STAG2: variants seen among roughly 807,000 people sequenced by gnomAD.
The protein encoded by STAG2 is cohesin subunit SA-2.
STAG2 carries 14 observed loss-of-function variants against 108.1 expected under a neutral mutation model. The observed-to-expected ratio is 0.13, with a 90% CI of 0.09 to 0.20. The LOEUF (loss-of-function observed/expected upper bound fraction) is 0.20, where lower values mean the gene tolerates loss of function less well. STAG2 is among the 10% of genes least tolerant of loss of function. STAG2 has a pLI of 1.00. For synonymous variants in STAG2, 307 were observed against 302.7 expected (o/e 1.01, Z -0.15); for missense variants, 440 against 940.9 (o/e 0.47, Z 6.96).
chrX:124,095,306 T>G (rs2059351209), intron 33 of STAG2, 66 bp from the exon 34 acceptor site: 1 of 893,113 alleles, frequency 1.1e-6, no homozygotes, highest in East Asian at 3.1e-5. Flanking sequence ...CTTGGATATT[T>G]TCAGTTACTA....
At chrX:124,052,704 T>A (rs2058078582) in intron 13 of STAG2, among the ~76,000 whole-genome samples, 1 of 111,736 alleles carries the variant, frequency 8.9e-6, no homozygotes, top group Non-Finnish European at 1.9e-5. Flanking sequence ...GTGGAATTGC[T>A]GGATCATATG....
intron 1 of STAG2, among the ~76,000 whole-genome samples, chrX:123,966,814 A>G (rs2054114633): frequency 1.8e-5 from 2 of 111,956 alleles, no homozygotes; most frequent in Admixed American, 9.5e-5. Context: ...TGTGCTTGCT[A>G]TAGATCTTTG....
At chrX:124,079,039 CT>C (rs1156231957) in intron 27 of STAG2, among the ~76,000 whole-genome samples, 1 of 111,051 alleles carries the variant, frequency 9.0e-6, no homozygotes, top group African/African-American at 3.3e-5. Flanking sequence ...GATAAAATTA[CT>C]GACTTAGTAT....
At chrX:124,048,652 A>G (rs1189697729) in intron 9 of STAG2, among the ~76,000 whole-genome samples, 1 of 110,747 alleles carries the variant, frequency 9.0e-6, no homozygotes, top group Non-Finnish European at 1.9e-5. Context: ...CTGGTCTCGA[A>G]CTCCTGACCT....
At chrX:124,045,076 C>T in intron 7 of STAG2, 88 bp from the exon 8 acceptor site, 1 of 796,207 alleles carries the variant, frequency 1.3e-6, no homozygotes, top group Non-Finnish European at 1.9e-6. Context: ...GATACCTTTT[C>T]ATGCTTTTGT....
At chrX:123,968,487 C>G (rs2054207619) in intron 1 of STAG2, among the ~76,000 whole-genome samples, 1 of 111,159 alleles carries the variant, frequency 9.0e-6, no homozygotes, top group South Asian at 3.8e-4. Flanking sequence ...TAGGGAGACC[C>G]CATCTCTACA....
intron 14 of STAG2, among the ~76,000 whole-genome samples, chrX:124,056,506 G>A (rs970046593): frequency 9.1e-6 from 1 of 109,302 alleles, no homozygotes; most frequent in African/African-American, 3.3e-5. Flanking sequence ...GGCCGAGGCG[G>A]GTGGATCACG....
chrX:124,086,513 G>A (rs749687039), intron 29 of STAG2, 34 bp from the exon 30 acceptor site: 46 of 1,101,674 alleles, frequency 4.2e-5, no homozygotes, highest in Non-Finnish European at 5.6e-5. Flanking sequence ...ACAGATTTCT[G>A]TATCAAAGCT....
rs371253990 is a variant in STAG2, at chrX:123,999,946, A to T, written c.-162-21421A>T. Among the ~76,000 whole-genome samples the T allele has an allele frequency of 4.5e-4, 48 of 105,820 alleles. No homozygotes were observed. The East Asian group carries it at 0.011, about 24-fold the overall frequency. The allele number at this position is 105,820 out of a possible 115,157, so 91.9% of individuals were successfully genotyped here. A position where few individuals can be genotyped will look rare whatever the true frequency, so the allele number is the denominator to read the frequency against. ...TTTTTTTTTTTTATTTTTTGTAGCG[A>T]CAGGGTCTTGCTATGTTGCCCAGGC... is the stretch of plus-strand genomic sequence containing the variant. On this transcript the variant is annotated intron_variant, in intron 1 of 34. Transcript: ENST00000371145.
chrX:123,993,424 AGGT>A (rs901743809), intron 1 of STAG2, among the ~76,000 whole-genome samples: 3 of 111,525 alleles, frequency 2.7e-5, no homozygotes, highest in Non-Finnish European at 5.7e-5. Context: ...CTTTCAGGAA[AGGT>A]ACATTTTTTT....
intron 13 of STAG2, among the ~76,000 whole-genome samples, chrX:124,052,498 C>T (rs1002097587): frequency 8.9e-6 from 1 of 112,505 alleles, no homozygotes; most frequent in African/African-American, 3.2e-5. Flanking sequence ...ATTATTATAG[C>T]ACGTACTCCT....
At chrX:124,022,261 C>G (rs1249888487) in intron 2 of STAG2, among the ~76,000 whole-genome samples, 2 of 109,758 alleles carry the variant, frequency 1.8e-5, no homozygotes, top group Non-Finnish European at 3.8e-5. Context: ...ATCTCAGCTA[C>G]TCGGGAGGCT....
chrX:124,007,679 A>G (rs1306431313), intron 1 of STAG2, among the ~76,000 whole-genome samples: 1 of 112,175 alleles, frequency 8.9e-6, no homozygotes, highest in Non-Finnish European at 1.9e-5. Context: ...TCCTCTCAGT[A>G]TTTTTTTGTG....
intron 1 of STAG2, among the ~76,000 whole-genome samples, chrX:124,001,882 A>G (rs2056059510): frequency 8.9e-6 from 1 of 111,805 alleles, no homozygotes; most frequent in African/African-American, 3.3e-5. Flanking sequence ...TAATTTACAT[A>G]CAATAGACAT....
Position 124,032,217 on chromosome X carries a change from G to A in STAG2, c.288+1092G>A, listed in dbSNP as rs182503268. Among the ~76,000 whole-genome samples the A allele has an allele frequency of 2.1e-4, 24 of 111,856 alleles. No individual in the cohort carries two copies. In the East Asian group the frequency reaches 6.1e-3, roughly 29 times the overall value. On this transcript the variant is annotated intron_variant, in intron 5 of 34. Coordinates refer to ENST00000371145, the MANE Select transcript of STAG2 (RefSeq NM_001042750.2). ...TAATATAATTATTATCCACTTTAGT[G>A]GAATGAATTATTTTAGTTACTGTTG... is the stretch of plus-strand genomic sequence containing the variant.
intron 1 of STAG2, among the ~76,000 whole-genome samples, chrX:123,992,356 A>G (rs1210181761): frequency 9.0e-6 from 1 of 111,409 alleles, no homozygotes; most frequent in African/African-American, 3.3e-5. Flanking sequence ...TTTTATCATC[A>G]GGCCTACCAC....
At chrX:124,047,299 TA>T in intron 8 of STAG2, 54 bp from the exon 9 acceptor site, 3 of 1,041,711 alleles carry the variant, frequency 2.9e-6, no homozygotes, top group Non-Finnish European at 3.8e-6. Flanking sequence ...TCTTAAATTG[TA>T]AATTTTTGTG....
At chrX:124,090,484 C>A in intron 30 of STAG2, 91 bp from the exon 31 acceptor site, 1 of 753,183 alleles carries the variant, frequency 1.3e-6, no homozygotes. Flanking sequence ...ATGTGGAAAT[C>A]AACAGATGTT....
At position 124,081,430 on chromosome X, in the gene STAG2, C is replaced by T. The variant is rs1223136598; in HGVS notation, c.2826C>T (p.Ser942=). 1 of 1,180,946 alleles carries T rather than the reference C, an allele frequency of 8.5e-7. No homozygotes were observed. Among genetic ancestry groups the T allele is most frequent in the Non-Finnish European group, 1.1e-6 (1 of 874,772 alleles). The change falls in exon 28 of 35, where the codon TCC becomes TCT. Residue 942 remains serine, a synonymous_variant. Coordinates refer to ENST00000371145, the MANE Select transcript of STAG2 (RefSeq NM_001042750.2). ...ATGGCTATAATTTTGATAGATCATC[C>T]TCTACATTTAGTGGCATAAAAGAAC... ...QENGYNFDRS[S]STFSGIKELA... is the part of the protein sequence containing the mutation.
Sources: gnomAD v4.1 joint callset for allele counts (sites outside exome capture counted in the v4.1 genomes callset) on GRCh38, gnomAD v4.1.1 for gene constraint, MANE v1.5 for transcripts, NCBI Gene and HGNC (gene_info 2026-07-23, HGNC 2026-07-21) for gene names.